RNASEH1: variants seen among roughly 807,000 people sequenced by gnomAD.
The protein encoded by RNASEH1 is ribonuclease H type II.
Under a neutral mutation model 34.6 loss-of-function variants are expected in RNASEH1, and 27 were observed. The observed-to-expected ratio is 0.78, with a 90% CI of 0.58 to 1.08. The LOEUF (loss-of-function observed/expected upper bound fraction) is 1.08. Among genes scored for constraint, RNASEH1 ranks in the 50% least tolerant of loss-of-function variants. The pLI is 0.00. For synonymous variants in RNASEH1, 162 were observed against 138.4 expected, an observed-to-expected ratio of 1.17 and a Z score of -1.20; for missense variants, 349 against 373.6, an observed-to-expected ratio of 0.93 and a Z score of 0.54.
chr2:3,537,954 T>C (rs1453883921), downstream of RNASEH1, among the ~76,000 whole-genome samples: 1 of 152,062 alleles, frequency 6.6e-6, no homozygotes, highest in Admixed American at 6.6e-5. Flanking sequence ...GGAGAATTGC[T>C]TGAACCCAGG....
chr2:3,543,695 C>T lies in RNASEH1; in HGVS notation c.*2090G>A, dbSNP rs1012514297. ...GGCATGGTCACAGCTCACGCATCCT[C>T]GACCTCCTGGGCCCAAGCGATCCTC... is the stretch of plus-strand genomic sequence containing the variant. On this transcript the variant is annotated 3_prime_UTR_variant, in exon 8 of 8. Transcript: ENST00000315212. Among the ~76,000 whole-genome samples the T allele has an allele frequency of 6.6e-6, 1 of 152,068 alleles. No individual in the cohort carries two copies. Among genetic ancestry groups the T allele is most frequent in the Non-Finnish European group, 1.5e-5 (1 of 68,028 alleles).
chr2:3,540,431 CAG>C (rs60251316), downstream of RNASEH1, among the ~76,000 whole-genome samples: 2,874 of 152,260 alleles, frequency 0.019, 80 homozygotes, highest in African/African-American at 0.057. Context: ...TGTTTTGAGA[CAG>C]AGTCTCACTC....
intron 3 of RNASEH1, among the ~76,000 whole-genome samples, chr2:3,551,143 G>A (rs62106012): frequency 1.3e-5 from 2 of 152,242 alleles, no homozygotes; most frequent in Non-Finnish European, 2.9e-5. Context: ...GGTGGTACGC[G>A]CAGGAAGTGG....
chr2:3,550,131 A>G (rs1669144929), intron 4 of RNASEH1: 2 of 434,728 alleles, frequency 4.6e-6, no homozygotes, highest in Non-Finnish European at 8.2e-6. Context: ...CAACAGTGTG[A>G]GACCGTGTCT....
chr2:3,548,685 T>C lies in RNASEH1; in HGVS notation c.604A>G (p.Ile202Val), dbSNP rs766567428. ...TCTGTATACAGAACCAGTTTATTGA[T>C]GTTTTGAGTCTTTGCTTGTTCAATG... The part of the protein sequence containing the change: ...KAIEQAKTQN[I>V]NKLVLYTDSM... The change falls in exon 6 of 8, where the codon ATC (isoleucine) becomes GTC (valine). Residue 202 changes from isoleucine to valine, a missense_variant. By Grantham distance (29) the Ile-to-Val change is conservative. Transcript: ENST00000315212. 24 of 1,612,928 alleles carry C rather than the reference T, an allele frequency of 1.5e-5. No individual in the cohort carries two copies. The highest frequency in any genetic ancestry group is 3.3e-5 in the Admixed American group (2 of 59,990).
In RNASEH1 at chr2:3,542,341, T is replaced by A. The variant is rs1343861683; in HGVS notation, c.*3444A>T. On this transcript the variant is annotated 3_prime_UTR_variant, in exon 8 of 8. Transcript: ENST00000315212. The stretch of plus-strand genomic sequence containing the variant: ...AAAAGGAAAAAATCCTTTGGGCATC[T>A]AAGGAAAAACAGCATATGACTGTCA... 6.6e-6 allele frequency among the ~76,000 whole-genome samples: 1 copy of A among 152,180 alleles called. No homozygotes were observed. The highest frequency in any genetic ancestry group is 1.5e-5 in the Non-Finnish European group (1 of 68,036).
intron 1 of RNASEH1, chr2:3,557,745 GA>G: frequency 1.5e-6 from 1 of 653,978 alleles, no homozygotes; most frequent in Non-Finnish European, 2.5e-6. Flanking sequence ...TAAAAGGGAA[GA>G]TTAGGTACTG....
chr2:3,556,724 T>C (rs886100326), intron 2 of RNASEH1, 65 bp downstream of exon 2: 1 of 1,060,764 alleles, frequency 9.4e-7, no homozygotes, highest in African/African-American at 1.6e-5. Context: ...ATAGATCAAA[T>C]GCCATCTGGC....
At position 3,558,280 on chromosome 2, in the gene RNASEH1, G is replaced by C. The variant is rs575630133; in HGVS notation, c.-20C>G. The C allele has an allele frequency of 1.9e-6, 3 of 1,540,198 alleles. No homozygotes were observed. Among genetic ancestry groups the C allele is most frequent in the Non-Finnish European group, 2.6e-6 (3 of 1,147,834 alleles). ...GCTCATCGCTCACTCCCGGCACCGGGAAGCATTTCGACTCCCGGCCCAGCG... is the reference window on the plus strand; with the variant it reads ...GCTCATCGCTCACTCCCGGCACCGGCAAGCATTTCGACTCCCGGCCCAGCG... On this transcript the variant is annotated 5_prime_UTR_variant, in exon 1 of 8. Coordinates refer to ENST00000315212, the MANE Select transcript of RNASEH1 (RefSeq NM_002936.6).
chr2:3,537,027 C>T (rs114333295), downstream of RNASEH1, among the ~76,000 whole-genome samples: 2,005 of 152,314 alleles, frequency 0.013, 45 homozygotes, highest in African/African-American at 0.046. Flanking sequence ...CCTTAGAGGC[C>T]CCTCTCCAAA....
At chr2:3,536,099 G>T in the RNASEH1 span, among the ~76,000 whole-genome samples, 1 of 152,208 alleles carries the variant, frequency 6.6e-6, no homozygotes, top group Non-Finnish European at 1.5e-5. Context: ...GCCAGCAGAG[G>T]GAGGGCCCAG....
the RNASEH1 span, among the ~76,000 whole-genome samples, chr2:3,535,380 T>C: frequency 6.6e-6 from 1 of 150,684 alleles, no homozygotes; most frequent in Non-Finnish European, 1.5e-5. Flanking sequence ...TGAGCTGTGA[T>C]TGCACCACTG....
chr2:3,554,902 C>T (rs372990559), intron 2 of RNASEH1, among the ~76,000 whole-genome samples: 46 of 152,278 alleles, frequency 3.0e-4, no homozygotes, highest in African/African-American at 8.4e-4. Flanking sequence ...AGCGAGGAGG[C>T]GGCTCAGCAT....
intron 2 of RNASEH1, among the ~76,000 whole-genome samples, chr2:3,552,920 G>C (rs1660121405): frequency 2.0e-5 from 3 of 152,134 alleles, no homozygotes; most frequent in African/African-American, 7.2e-5. Flanking sequence ...ACGAAGTTAA[G>C]AACCCCTAGG....
chr2:3,552,995 A>C (rs1382942262), intron 2 of RNASEH1, among the ~76,000 whole-genome samples: 1 of 152,132 alleles, frequency 6.6e-6, no homozygotes, highest in Non-Finnish European at 1.5e-5. Context: ...TTAAGAAAGG[A>C]AAACAGGGCT....
At chr2:3,538,053 T>A (rs1440412018), downstream of RNASEH1, among the ~76,000 whole-genome samples, 2 of 140,370 alleles carry the variant, frequency 1.4e-5, no homozygotes, top group African/African-American at 5.3e-5. Flanking sequence ...TTTTTTTTTT[T>A]AAGATAGCAT....
chr2:3,556,683 G>A (rs1352198471), intron 2 of RNASEH1, 106 bp downstream of exon 2: 5 of 685,070 alleles, frequency 7.3e-6, no homozygotes, highest in African/African-American at 3.6e-5. Context: ...ACAATCACAC[G>A]AGGTTCCCTA....
At position 3,544,435 on chromosome 2, in the gene RNASEH1, G is replaced by A. The variant is rs1434149135; in HGVS notation, c.*1350C>T. Among the ~76,000 whole-genome samples the A allele has an allele frequency of 2.0e-5, 3 of 152,094 alleles. No homozygotes were observed. The highest frequency in any genetic ancestry group is 2.9e-5 in the Non-Finnish European group (2 of 68,032). On this transcript the variant is annotated 3_prime_UTR_variant, in exon 8 of 8. Transcript: ENST00000315212. ...GCAGGGAAAACAGTGAGGCCGACGG[G>A]ACTGCAAATGGACACTGAAGTAGAT...
chr2:3,542,789 A>C lies in RNASEH1; in HGVS notation c.*2996T>G, dbSNP rs180805533. Among the ~76,000 whole-genome samples the C allele has an allele frequency of 1.4e-4, 21 of 152,286 alleles. No homozygotes were observed. In the East Asian group the frequency reaches 4.0e-3, roughly 29 times the overall value. On this transcript the variant is annotated 3_prime_UTR_variant, in exon 8 of 8. Coordinates refer to ENST00000315212, the MANE Select transcript of RNASEH1 (RefSeq NM_002936.6). ...AGGAGACACAGACATCATATAGAGG[A>C]GGCTATGTAAAGGCCCCAGGACCCT...
Sources: allele counts gnomAD v4.1 joint callset (sites outside exome capture counted in the v4.1 genomes callset), GRCh38; gene constraint gnomAD v4.1.1; transcripts MANE v1.5; gene names NCBI Gene and HGNC (gene_info 2026-07-23, HGNC 2026-07-21).